Variants in PPM1B observed in about 807,000 individuals in gnomAD.
The protein encoded by PPM1B is protein phosphatase, Mg2+/Mn2+ dependent 1B.
Under a neutral mutation model 43.0 loss-of-function variants are expected in PPM1B, and 22 were observed. The observed-to-expected ratio is 0.51, with a 90% CI of 0.37 to 0.73. The LOEUF is 0.73. PPM1B is among the 30% of genes least tolerant of loss of function. The pLI is 0.00. For synonymous variants in PPM1B, 217 were observed against 197.9 expected (o/e 1.10, Z -0.81); for missense variants, 632 against 584.2 (o/e 1.08, Z -0.84).
At chr2:44,228,821 C>G (rs376110793) in intron 5 of PPM1B, among the ~76,000 whole-genome samples, 21 of 151,644 alleles carry the variant, frequency 1.4e-4, no homozygotes, top group Admixed American at 3.3e-4. Context: ...TTGACTGAAC[C>G]CTTTGAGAGA....
intron 5 of PPM1B, among the ~76,000 whole-genome samples, chr2:44,224,996 T>TA (rs1670149229): frequency 6.6e-6 from 1 of 152,172 alleles, no homozygotes; most frequent in Non-Finnish European, 1.5e-5. Context: ...AGCGCAAAGA[T>TA]AGACATTGAT....
intron 1 of PPM1B, among the ~76,000 whole-genome samples, chr2:44,187,731 A>G (rs983112860): frequency 1.3e-5 from 2 of 152,016 alleles, no homozygotes; most frequent in Non-Finnish European, 2.9e-5. Flanking sequence ...CATTTCCTGG[A>G]TTGAACCTCT....
At chr2:44,214,302 C>T (rs1338395708) in intron 3 of PPM1B, among the ~76,000 whole-genome samples, 1 of 152,024 alleles carries the variant, frequency 6.6e-6, no homozygotes, top group African/African-American at 2.4e-5. Context: ...ATCTCGTGAC[C>T]TCGTGATCTG....
intron 3 of PPM1B, among the ~76,000 whole-genome samples, chr2:44,215,265 C>G (rs774168645): frequency 2.0e-5 from 3 of 152,112 alleles, no homozygotes; most frequent in Admixed American, 6.6e-5. Context: ...ACTAGGAGTT[C>G]AAGACCAGCC....
At chr2:44,189,599 G>T (rs561169918) in intron 1 of PPM1B, among the ~76,000 whole-genome samples, 1 of 152,130 alleles carries the variant, frequency 6.6e-6, no homozygotes, top group Admixed American at 6.5e-5. Context: ...AAGTAGCTGG[G>T]ATTACAGGTG....
At chr2:44,187,462 T>G (rs1053518170) in intron 1 of PPM1B, among the ~76,000 whole-genome samples, 1 of 152,138 alleles carries the variant, frequency 6.6e-6, no homozygotes, top group African/African-American at 2.4e-5. Flanking sequence ...ATCATATGGT[T>G]GTTTTATTTA....
chr2:44,172,082 A>G lies in PPM1B; in HGVS notation c.-15+2808A>G, dbSNP rs75771779. Among the ~76,000 whole-genome samples the G allele has an allele frequency of 3.6e-3, 550 of 152,326 alleles. 2 individuals carry two copies. Among genetic ancestry groups the G allele is most frequent in the African/African-American group, 0.013 (531 of 41,574 alleles). ...ATAATAAAAGTTTGTTTAATCCAAAATTATAATAGCAAAATTTATTCAAGT... is the reference window on the plus strand; with the variant it reads ...ATAATAAAAGTTTGTTTAATCCAAAGTTATAATAGCAAAATTTATTCAAGT... On this transcript the variant is annotated intron_variant, in intron 1 of 5. Transcript: ENST00000282412.
chr2:44,218,824 T>C (rs1356789849), intron 5 of PPM1B: 1 of 459,282 alleles, frequency 2.2e-6, no homozygotes, highest in African/African-American at 2.0e-5. Context: ...TTCCTTCTTC[T>C]CCTTTAAACC....
chr2:44,197,157 T>G lies in PPM1B; in HGVS notation c.-14-4029T>G, dbSNP rs555783542. Among the ~76,000 whole-genome samples the G allele has an allele frequency of 1.6e-4, 25 of 152,254 alleles. No individual in the cohort carries two copies. In the South Asian group the frequency reaches 2.7e-3, roughly 16 times the overall value. ...TGAGACAGGGTCTTGCTGTGTCACC[T>G]GTCATACCACTGGAGTGCAGTGGTA... On this transcript the variant is annotated intron_variant, in intron 1 of 5. Transcript: ENST00000282412.
intron 1 of PPM1B, among the ~76,000 whole-genome samples, chr2:44,173,117 C>G (rs1667427172): frequency 6.6e-6 from 1 of 152,196 alleles, no homozygotes; most frequent in South Asian, 2.1e-4. Context: ...CCTGGCCTGG[C>G]CAACGTGGTA....
At position 44,180,009 on chromosome 2, in the gene PPM1B, C is replaced by CA. The variant is rs766537523; in HGVS notation, c.-15+10754dup. On this transcript the variant is annotated intron_variant, in intron 1 of 5. Transcript: ENST00000282412. ...GGGCAACAAGAGCGAAACTTCGTTC[C>CA]AAAAAAAAAAAAAAAAAAAGACTTT... Among the ~76,000 whole-genome samples the CA allele has an allele frequency of 9.8e-3, 819 of 83,176 alleles. 2 individuals are homozygous for CA. The highest frequency in any genetic ancestry group is 0.013 in the Admixed American group (100 of 7,464). 54.6% of individuals were successfully genotyped at this position (83,176 alleles called of 152,430 possible). A position where few individuals can be genotyped will look rare whatever the true frequency, so the allele number is the denominator to read the frequency against.
chr2:44,190,950 A>C (rs906917761), intron 1 of PPM1B, among the ~76,000 whole-genome samples: 1 of 152,216 alleles, frequency 6.6e-6, no homozygotes, highest in African/African-American at 2.4e-5. Context: ...TTGCAGCATG[A>C]ACATTTTTGC....
downstream of PPM1B, among the ~76,000 whole-genome samples, chr2:44,239,318 C>G (rs1367175971): frequency 6.6e-6 from 1 of 152,014 alleles, no homozygotes; most frequent in Non-Finnish European, 1.5e-5. Context: ...ATTGAATGCT[C>G]ACACCACTTG....
downstream of PPM1B, among the ~76,000 whole-genome samples, chr2:44,245,511 A>G (rs1004050736): frequency 6.6e-6 from 1 of 152,226 alleles, no homozygotes; most frequent in Non-Finnish European, 1.5e-5. Context: ...CTTGAGAGAG[A>G]TGTAGTTGAT....
chr2:44,205,605 A>T (rs2104154018), intron 2 of PPM1B, among the ~76,000 whole-genome samples: 1 of 152,280 alleles, frequency 6.6e-6, no homozygotes, highest in East Asian at 1.9e-4. Flanking sequence ...GTATAAACGT[A>T]AAATAGGATT....
chr2:44,199,055 A>G (rs949073823), intron 1 of PPM1B, among the ~76,000 whole-genome samples: 1 of 152,008 alleles, frequency 6.6e-6, no homozygotes, highest in African/African-American at 2.4e-5. Flanking sequence ...TCAGGAGTTC[A>G]AGACCAATCT....
rs567068125 is a variant in PPM1B, at chr2:44,191,819, T to C, written c.-14-9367T>C. On this transcript the variant is annotated intron_variant, in intron 1 of 5. Transcript: ENST00000282412. ...TTCCTAATTCTTTATGTGTGACTTA[T>C]TTTTTCCCCTTTTTTCCCTCTGGGA... Among the ~76,000 whole-genome samples the C allele has an allele frequency of 3.9e-5, 6 of 152,306 alleles. 1 individual carries two copies. Among genetic ancestry groups the C allele is most frequent in the Admixed American group, 6.5e-5 (1 of 15,282 alleles).
chr2:44,224,956 A>G (rs1478434508), intron 5 of PPM1B, among the ~76,000 whole-genome samples: 1 of 152,168 alleles, frequency 6.6e-6, no homozygotes, highest in Admixed American at 6.5e-5. Flanking sequence ...CCTATGCAAA[A>G]AAGGTCACTC....
intron 1 of PPM1B, among the ~76,000 whole-genome samples, chr2:44,196,221 TCCTTAGGCC>T (rs1175471160): frequency 6.6e-6 from 1 of 152,254 alleles, no homozygotes; most frequent in Non-Finnish European, 1.5e-5. Context: ...TCATCATGTC[TCCTTAGGCC>T]CCTGTTGGCT....
Sources: gnomAD v4.1 joint callset for allele counts (sites outside exome capture counted in the v4.1 genomes callset) on GRCh38, gnomAD v4.1.1 for gene constraint, MANE v1.5 for transcripts, NCBI Gene and HGNC (gene_info 2026-07-23, HGNC 2026-07-21) for gene names.